The following HYCC1 variants were observed in gnomAD, a reference collection of about 807,000 sequenced individuals.
HYCC1 encodes hyccin.
the HYCC1 span, chr7:22,978,185 G>C: frequency 7.9e-7 from 1 of 1,271,598 alleles, no homozygotes; most frequent in East Asian, 2.4e-5. Flanking sequence ...ACAAACACTA[G>C]CTTTATTAAA....
At chr7:22,965,868 C>T in the HYCC1 span, among the ~76,000 whole-genome samples, 50 of 152,230 alleles carry the variant, frequency 3.3e-4, no homozygotes, top group Admixed American at 2.2e-3. Flanking sequence ...AATCCTCCCA[C>T]ATCAGCCTCC....
At chr7:22,982,970 C>T in the HYCC1 span, among the ~76,000 whole-genome samples, 1 of 151,960 alleles carries the variant, frequency 6.6e-6, no homozygotes, top group South Asian at 2.1e-4. Flanking sequence ...TCTATTTCTA[C>T]TATGAATGGT....
At chr7:22,992,175 C>T in the HYCC1 span, among the ~76,000 whole-genome samples, 23 of 152,000 alleles carry the variant, frequency 1.5e-4, no homozygotes, top group South Asian at 6.2e-4. Flanking sequence ...CAGCTGTCTA[C>T]GAAAGTATCC....
At chr7:23,000,319 A>G in the HYCC1 span, among the ~76,000 whole-genome samples, 27 of 152,228 alleles carry the variant, frequency 1.8e-4, no homozygotes, top group African/African-American at 5.5e-4. Context: ...AACAAAATAT[A>G]TCTCCTCAAC....
At chr7:22,924,195 A>AAAG in the HYCC1 span, among the ~76,000 whole-genome samples, 16,804 of 135,766 alleles carry the variant, frequency 0.12, 1,176 homozygotes, top group South Asian at 0.16. Flanking sequence ...AAAAAAAAAA[A>AAAG]GGGGGGTGGA....
the HYCC1 span, among the ~76,000 whole-genome samples, chr7:22,926,206 C>T: frequency 3.3e-5 from 5 of 151,982 alleles, no homozygotes; most frequent in South Asian, 2.1e-4. Flanking sequence ...AAGGAACAAC[C>T]GGTACCAGCC....
the HYCC1 span, among the ~76,000 whole-genome samples, chr7:22,984,971 T>G: frequency 6.6e-6 from 1 of 152,182 alleles, no homozygotes. Context: ...GTCAGATGAT[T>G]TTGAATAAAA....
the HYCC1 span, among the ~76,000 whole-genome samples, chr7:22,988,733 A>G: frequency 6.6e-6 from 1 of 152,198 alleles, no homozygotes; most frequent in African/African-American, 2.4e-5. Flanking sequence ...CCATGATTGT[A>G]ATTCCTTTTT....
the HYCC1 span, among the ~76,000 whole-genome samples, chr7:22,921,573 T>G: frequency 3.9e-5 from 6 of 152,312 alleles, no homozygotes; most frequent in Middle Eastern, 3.4e-3. Context: ...GTAACATTTC[T>G]ACATCTCAGT....
the HYCC1 span, among the ~76,000 whole-genome samples, chr7:22,925,672 C>A: frequency 2.6e-5 from 4 of 151,804 alleles, no homozygotes; most frequent in African/African-American, 7.3e-5. Context: ...CCAAGAAATA[C>A]GGGACTATGT....
the HYCC1 span, among the ~76,000 whole-genome samples, chr7:22,912,611 A>G: frequency 2.0e-5 from 3 of 152,198 alleles, no homozygotes; most frequent in Non-Finnish European, 4.4e-5. Context: ...ATCAGAGGCT[A>G]CTGCCCCACC....
the HYCC1 span, among the ~76,000 whole-genome samples, chr7:22,923,357 T>G: frequency 4.6e-4 from 70 of 152,258 alleles, no homozygotes; most frequent in African/African-American, 1.7e-3. Context: ...TTTAGATGAA[T>G]GAAAATGAAA....
chr7:22,984,844 G>A, the HYCC1 span, among the ~76,000 whole-genome samples: 6 of 152,074 alleles, frequency 3.9e-5, no homozygotes, highest in African/African-American at 7.2e-5. Context: ...ACCAACAAAC[G>A]AATTTTCCTA....
chr7:22,919,849 A>G, the HYCC1 span, among the ~76,000 whole-genome samples: 2 of 152,156 alleles, frequency 1.3e-5, no homozygotes, highest in Admixed American at 6.5e-5. Context: ...TAAGGAGAAT[A>G]TCAGAAGAAG....
the HYCC1 span, among the ~76,000 whole-genome samples, chr7:22,911,688 G>T: frequency 6.6e-6 from 1 of 152,184 alleles, no homozygotes; most frequent in South Asian, 2.1e-4. Flanking sequence ...AACCTGGGAG[G>T]CGGAGGTTGC....
chr7:22,950,580 T>C, the HYCC1 span, among the ~76,000 whole-genome samples: 1 of 152,004 alleles, frequency 6.6e-6, no homozygotes, highest in African/African-American at 2.4e-5. Flanking sequence ...GAAATACATA[T>C]AGCTTATGCT....
At chr7:22,976,147 T>C in the HYCC1 span, 2 of 1,006,540 alleles carry the variant, frequency 2.0e-6, no homozygotes, top group Non-Finnish European at 3.2e-6. Context: ...CTTAGGTATG[T>C]ACCAGACTAG....
the HYCC1 span, among the ~76,000 whole-genome samples, chr7:22,964,700 A>G: frequency 6.6e-6 from 1 of 152,252 alleles, no homozygotes; most frequent in African/African-American, 2.4e-5. Context: ...ATTCCTGAGT[A>G]AGTTATACCA....
the HYCC1 span, among the ~76,000 whole-genome samples, chr7:22,987,847 C>T: frequency 6.6e-6 from 1 of 152,122 alleles, no homozygotes; most frequent in African/African-American, 2.4e-5. Flanking sequence ...TTCACTTACT[C>T]AATCATGATG....
Sources: allele counts gnomAD v4.1 joint callset (sites outside exome capture counted in the v4.1 genomes callset), GRCh38; gene constraint gnomAD v4.1.1; transcripts MANE v1.5; gene names NCBI Gene and HGNC (gene_info 2026-07-23, HGNC 2026-07-21).